PTPRD: variants seen among roughly 807,000 people sequenced by gnomAD.
The protein encoded by PTPRD is protein tyrosine phosphatase receptor type D.
PTPRD carries 34 observed loss-of-function variants against 214.5 expected under a neutral mutation model. That is an observed-to-expected ratio of 0.16 (90% CI 0.12 to 0.21). The LOEUF is 0.21. Ranked by LOEUF, PTPRD falls within the 10% of genes least tolerant of loss-of-function variation. PTPRD has a pLI of 1.00. For synonymous variants in PTPRD, 1,128 were observed against 845.7 expected, an observed-to-expected ratio of 1.33 and a Z score of -5.79; for missense variants, 2,545 against 2,398.7, an observed-to-expected ratio of 1.06 and a Z score of -1.27.
At chr9:8,947,234 T>C (rs7874206) in intron 11 of PTPRD, among the ~76,000 whole-genome samples, 141,571 of 151,252 alleles carry the variant, frequency 0.94, 66,667 homozygotes, top group East Asian at 1. Context: ...GAGGCCAAGG[T>C]GGGTGGATCA....
chr9:8,368,856 G>T (rs1225449147), intron 39 of PTPRD, among the ~76,000 whole-genome samples: 1 of 152,050 alleles, frequency 6.6e-6, no homozygotes, highest in African/African-American at 2.4e-5. Context: ...TATGAAAACA[G>T]AATCTGGCAT....
At chr9:9,687,174 T>C (rs2097180425) in intron 7 of PTPRD, among the ~76,000 whole-genome samples, 1 of 151,802 alleles carries the variant, frequency 6.6e-6, no homozygotes, top group Non-Finnish European at 1.5e-5. Flanking sequence ...TCATTAACCA[T>C]AAAGGCACAC....
intron 39 of PTPRD, among the ~76,000 whole-genome samples, chr9:8,351,018 G>A (rs191915863): frequency 1.3e-5 from 2 of 152,162 alleles, no homozygotes; most frequent in African/African-American, 4.8e-5. Context: ...AGTAGAAAGA[G>A]ATTTTATTGT....
chr9:9,717,635 G>A (rs563290160), intron 7 of PTPRD, among the ~76,000 whole-genome samples: 20 of 152,258 alleles, frequency 1.3e-4, no homozygotes, highest in Admixed American at 1.2e-3. Flanking sequence ...ATGATTTCAG[G>A]GGAATATTTT....
At chr9:8,995,002 A>G (rs1253162214) in intron 11 of PTPRD, among the ~76,000 whole-genome samples, 1 of 152,076 alleles carries the variant, frequency 6.6e-6, no homozygotes, top group Non-Finnish European at 1.5e-5. Context: ...TAGTTGAAGC[A>G]AGTAAAAGAC....
chr9:8,675,393 A>T (rs1174807560), intron 12 of PTPRD, among the ~76,000 whole-genome samples: 1 of 151,900 alleles, frequency 6.6e-6, no homozygotes, highest in African/African-American at 2.4e-5. Context: ...TAATCAATAG[A>T]TGAGCTTCAA....
At chr9:9,101,090 C>A (rs928305431) in intron 10 of PTPRD, among the ~76,000 whole-genome samples, 4 of 104,208 alleles carry the variant, frequency 3.8e-5, no homozygotes, top group African/African-American at 1.2e-4. Context: ...AACCAATTGG[C>A]CAATGTAAAA....
intron 14 of PTPRD, among the ~76,000 whole-genome samples, chr9:8,552,946 A>G (rs1438951578): frequency 6.6e-6 from 1 of 152,168 alleles, no homozygotes. Context: ...ATAGCATGCC[A>G]CATCCCAGAC....
chr9:9,772,162 G>C (rs1026304646), intron 5 of PTPRD, among the ~76,000 whole-genome samples: 8 of 152,092 alleles, frequency 5.3e-5, no homozygotes, highest in African/African-American at 1.9e-4. Context: ...TGTCCTTAAA[G>C]AGGAGGATGC....
intron 12 of PTPRD, among the ~76,000 whole-genome samples, chr9:8,688,557 T>A (rs146969950): frequency 0.018 from 2,570 of 144,168 alleles, 39 homozygotes; most frequent in East Asian, 0.061. Flanking sequence ...AGAGCGAGAC[T>A]CTGTCTCAAA....
At chr9:9,772,554 C>T (rs2098760612) in intron 5 of PTPRD, among the ~76,000 whole-genome samples, 1 of 148,080 alleles carries the variant, frequency 6.8e-6, no homozygotes, top group Non-Finnish European at 1.5e-5. Flanking sequence ...TCAGTGGACA[C>T]AAGCTTCTCT....
intron 9 of PTPRD, among the ~76,000 whole-genome samples, chr9:9,322,003 A>G (rs558020437): frequency 3.7e-4 from 56 of 152,342 alleles, no homozygotes; most frequent in African/African-American, 1.3e-3. Flanking sequence ...TTACAGTCTT[A>G]AAAGTATTTG....
At chr9:10,455,964 T>C (rs1031472530) in intron 2 of PTPRD, among the ~76,000 whole-genome samples, 2 of 151,820 alleles carry the variant, frequency 1.3e-5, no homozygotes, top group Admixed American at 1.3e-4. Context: ...TGTTCTTCTA[T>C]TTCTGTTTTA....
intron 35 of PTPRD, among the ~76,000 whole-genome samples, chr9:8,405,876 T>C (rs2092925226): frequency 1.3e-5 from 2 of 152,108 alleles, no homozygotes; most frequent in South Asian, 4.1e-4. Context: ...ATCAAAATAC[T>C]AAAGATGTGC....
intron 7 of PTPRD, among the ~76,000 whole-genome samples, chr9:9,662,353 G>T (rs1238008046): frequency 2.6e-5 from 4 of 151,632 alleles, no homozygotes; most frequent in African/African-American, 9.7e-5. Context: ...AACTGCACTT[G>T]CATTTCCTGA....
intron 30 of PTPRD, 104 bp downstream of exon 30, chr9:8,484,015 T>C: frequency 7.1e-7 from 1 of 1,400,506 alleles, no homozygotes; most frequent in Non-Finnish European, 9.6e-7. Context: ...AATCTTTCAC[T>C]ACATTAAGCA....
chr9:8,392,285 G>A (rs2089868319), intron 36 of PTPRD, among the ~76,000 whole-genome samples: 1 of 152,048 alleles, frequency 6.6e-6, no homozygotes, highest in Non-Finnish European at 1.5e-5. Flanking sequence ...GACACTTTGG[G>A]GAGGCTGAGG....
intron 12 of PTPRD, among the ~76,000 whole-genome samples, chr9:8,639,801 A>G (rs763748796): frequency 1.3e-4 from 20 of 152,228 alleles, no homozygotes; most frequent in Admixed American, 2.6e-4. Flanking sequence ...AATTAAACAT[A>G]GAAATCTTAT....
At chr9:9,029,308 C>T (rs761823017) in intron 10 of PTPRD, among the ~76,000 whole-genome samples, 17 of 151,598 alleles carry the variant, frequency 1.1e-4, no homozygotes, top group African/African-American at 3.6e-4. Flanking sequence ...TTATTAAATA[C>T]GTATTTTTAA....
Sources: allele counts gnomAD v4.1 joint callset (sites outside exome capture counted in the v4.1 genomes callset), GRCh38; gene constraint gnomAD v4.1.1; transcripts MANE v1.5; gene names NCBI Gene and HGNC (gene_info 2026-07-23, HGNC 2026-07-21).